The following GFM2 variants were observed in gnomAD, a reference collection of about 807,000 sequenced individuals.
The protein encoded by GFM2 is GTP dependent ribosome recycling factor mitochondrial 2.
A neutral mutation model predicts 95.4 loss-of-function variants in GFM2; 72 were observed. The ratio of observed to expected loss-of-function variants is 0.76; its 90% CI spans 0.62 to 0.92. The LOEUF is 0.92. Ranked by LOEUF, GFM2 falls within the 40% of genes least tolerant of loss-of-function variation. The pLI, the probability that GFM2 is intolerant of heterozygous loss-of-function variation, is 0.00. For synonymous variants in GFM2, 276 were observed against 317.5 expected (o/e 0.87, Z 1.39); for missense variants, 825 against 924.1 (o/e 0.89, Z 1.39).
chr5:74,736,798 G>C lies in GFM2; in HGVS notation c.1508C>G (p.Pro503Arg). Residue 503 changes from proline to arginine, a missense_variant and splice_region_variant, in exon 15 of 21, where the codon CCA becomes CGA. Coordinates refer to ENST00000296805, the MANE Select transcript of GFM2 (RefSeq NM_032380.5). ...TGACACACTAAGACCATTTATACCT[G>C]GCTGCTTAGACAGTGATGGGGGTTC... ...TIEPPSLSKQ[P>R]DLEHALKCLQ... 6.2e-7 allele frequency: 1 copy of C among 1,613,658 alleles called. No individual in the cohort carries two copies. The highest frequency in any genetic ancestry group is 8.5e-7 in the Non-Finnish European group (1 of 1,179,636).
intron 6 of GFM2, 30 bp downstream of exon 6, chr5:74,751,338 C>T: frequency 3.8e-6 from 6 of 1,577,278 alleles, no homozygotes; most frequent in Non-Finnish European, 5.2e-6. Flanking sequence ...AATGACGCAG[C>T]ATCTCTGTGT....
At chr5:74,746,243 C>A in intron 8 of GFM2, 78 bp from the exon 9 acceptor site, 1 of 699,814 alleles carries the variant, frequency 1.4e-6, no homozygotes, top group Non-Finnish European at 2.1e-6. Context: ...GGAAAAAAAA[C>A]TCTTTCAGGT....
At chr5:74,732,128 AT>A (rs533165001) in intron 16 of GFM2, among the ~76,000 whole-genome samples, 9,198 of 85,830 alleles carry the variant, frequency 0.11, 206 homozygotes, top group African/African-American at 0.18. Context: ...CTAATTTTTA[AT>A]TTTTTTTTTT....
intron 2 of GFM2, among the ~76,000 whole-genome samples, 175 bp from the exon 3 acceptor site, chr5:74,761,161 G>A (rs1197423699): frequency 6.6e-6 from 1 of 152,146 alleles, no homozygotes; most frequent in African/African-American, 2.4e-5. Context: ...TATCCTAGGG[G>A]AAAGAATAAG....
At chr5:74,731,188 G>A (rs562865217) in intron 16 of GFM2, among the ~76,000 whole-genome samples, 2 of 152,218 alleles carry the variant, frequency 1.3e-5, no homozygotes, top group Non-Finnish European at 2.9e-5. Flanking sequence ...GTAAATGGGG[G>A]GAATAACCTT....
chr5:74,739,820 G>A (rs1270501490), intron 12 of GFM2, among the ~76,000 whole-genome samples, 169 bp downstream of exon 12: 3 of 152,080 alleles, frequency 2.0e-5, no homozygotes, highest in Non-Finnish European at 2.9e-5. Context: ...TACAAGAGAT[G>A]AAAAATGTTC....
intron 7 of GFM2, among the ~76,000 whole-genome samples, chr5:74,748,931 A>T (rs1483599444): frequency 3.4e-5 from 5 of 146,940 alleles, no homozygotes; most frequent in East Asian, 1.9e-4. Context: ...AAAAAATAAA[A>T]AAAATAAAAA....
At chr5:74,745,324 C>T (rs965915907) in intron 10 of GFM2, among the ~76,000 whole-genome samples, 13 of 151,850 alleles carry the variant, frequency 8.6e-5, no homozygotes, top group African/African-American at 2.9e-4. Context: ...CAGCCTAGGC[C>T]GCAGAGCAAG....
chr5:74,755,947 G>C (rs1743958348), intron 5 of GFM2, among the ~76,000 whole-genome samples: 1 of 152,044 alleles, frequency 6.6e-6, no homozygotes, highest in South Asian at 2.1e-4. Flanking sequence ...GAACACAGAA[G>C]CAAAAATCCT....
intron 5 of GFM2, among the ~76,000 whole-genome samples, chr5:74,752,307 T>C (rs1337823150): frequency 2.0e-5 from 3 of 152,204 alleles, no homozygotes; most frequent in Non-Finnish European, 4.4e-5. Flanking sequence ...AAACAGTTGG[T>C]CTTTACCATT....
chr5:74,731,290 G>C (rs937224308), intron 16 of GFM2, among the ~76,000 whole-genome samples: 3 of 152,308 alleles, frequency 2.0e-5, no homozygotes, highest in Middle Eastern at 6.8e-3. Flanking sequence ...AGACTAGCTT[G>C]AACCTTCATA....
intron 6 of GFM2, 97 bp downstream of exon 6, chr5:74,751,271 G>A: frequency 7.9e-7 from 1 of 1,268,516 alleles, no homozygotes; most frequent in Non-Finnish European, 1.1e-6. Flanking sequence ...TGCAACACAT[G>A]TTTTTTTACC....
Position 74,725,836 on chromosome 5 carries a change from A to C in GFM2, c.1913-81T>G, listed in dbSNP as rs191767372. 137 of 1,437,498 alleles carry C rather than the reference A, an allele frequency of 9.5e-5. No individual in the cohort carries two copies. In the African/African-American group the frequency reaches 1.7e-3, roughly 18 times the overall value. 89.0% of individuals were successfully genotyped at this position (1,437,498 alleles called of 1,614,324 possible). ...CTGAGAAGTGCAAAGGAATAGGGAG[A>C]AAACACTAACAAAGTTAGGAAAAAG... is the stretch of plus-strand genomic sequence containing the variant. On this transcript the variant is annotated intron_variant, in intron 18 of 20. Transcript: ENST00000296805.
At chr5:74,743,646 T>C (rs149632443) in intron 10 of GFM2, among the ~76,000 whole-genome samples, 6 of 152,354 alleles carry the variant, frequency 3.9e-5, no homozygotes, top group South Asian at 2.1e-4. Context: ...TTTATTCTTA[T>C]AGCTCTTCTG....
rs761947246 is a variant in GFM2, at chr5:74,725,725, A to G, written c.1943T>C (p.Val648Ala). ...GPLLGSPIQDVAITLHSLTIH... is the reference protein window; with the variant it reads ...GPLLGSPIQDAAITLHSLTIH... Reference sequence around the variant, plus strand: ...TGTCAGGGAATGTAAAGTAATTGCTACATCCTGAATTGGGGATCCAAGCAA... The same window carrying G: ...TGTCAGGGAATGTAAAGTAATTGCTGCATCCTGAATTGGGGATCCAAGCAA... Residue 648 changes from valine to alanine, a missense_variant, in exon 19 of 21, where the codon GTA becomes GCA. Val to Ala is a moderately conservative substitution (Grantham distance 64). Transcript: ENST00000296805. 1 of 1,613,766 alleles carries G rather than the reference A, an allele frequency of 6.2e-7. No homozygotes were observed. Among genetic ancestry groups the G allele is most frequent in the Non-Finnish European group, 8.5e-7 (1 of 1,179,738 alleles).
chr5:74,744,127 G>A (rs1036017836), intron 10 of GFM2, among the ~76,000 whole-genome samples: 1 of 152,148 alleles, frequency 6.6e-6, no homozygotes, highest in Non-Finnish European at 1.5e-5. Flanking sequence ...CATAAACCTA[G>A]ACGGCATAGC....
chr5:74,757,613 CAGCTACTCAG>C (rs1166119043), intron 5 of GFM2, among the ~76,000 whole-genome samples: 1 of 151,668 alleles, frequency 6.6e-6, no homozygotes, highest in Non-Finnish European at 1.5e-5. Context: ...CCTGTAGTCC[CAGCTACTCAG>C]GAAGCTGAGG....
Position 74,751,357 on chromosome 5 carries a change from T to C in GFM2, c.430+11A>G. ...ACGCAGCATCTCTGTGTTACTGGAA[T>C]CGTACCATACCTGGTGTATCAATTA... On this transcript the variant is annotated intron_variant, in intron 6 of 20. Coordinates refer to ENST00000296805, the MANE Select transcript of GFM2 (RefSeq NM_032380.5). 6.2e-7 allele frequency: 1 copy of C among 1,608,584 alleles called. No individual in the cohort carries two copies. The highest frequency in any genetic ancestry group is 1.1e-5 in the South Asian group (1 of 89,968).
At position 74,736,923 on chromosome 5, in the gene GFM2, G is replaced by A. The variant is rs770823586; in HGVS notation, c.1383C>T (p.Ala461=). The A allele has an allele frequency of 8.1e-6, 13 of 1,613,472 alleles. No homozygotes were observed. Among genetic ancestry groups the A allele is most frequent in the South Asian group, 2.2e-5 (2 of 91,046 alleles). ...KSSALAAARR[A]EREGEKKHRQ... is the part of the protein sequence containing the mutation. Reference sequence around the variant, plus strand: ...TGTGCTTCTTTTCTCCCTCCCGTTCGGCTCTACGAGCTGCAGCTAATGCAC... The same window carrying A: ...TGTGCTTCTTTTCTCCCTCCCGTTCAGCTCTACGAGCTGCAGCTAATGCAC... The change falls in exon 15 of 21, where the codon GCC becomes GCT. Residue 461 remains alanine, a synonymous_variant. Transcript: ENST00000296805.
Sources: allele counts gnomAD v4.1 joint callset (sites outside exome capture counted in the v4.1 genomes callset), GRCh38; gene constraint gnomAD v4.1.1; transcripts MANE v1.5; gene names NCBI Gene and HGNC (gene_info 2026-07-23, HGNC 2026-07-21).